PCDHGA2: variants seen among roughly 807,000 people sequenced by gnomAD.
PCDHGA2 encodes protocadherin gamma-A2.
A neutral mutation model predicts 59.2 loss-of-function variants in PCDHGA2; 40 were observed. The ratio of observed to expected loss-of-function variants is 0.68; its 90% confidence interval spans 0.52 to 0.88. PCDHGA2 has a LOEUF of 0.88. Ranked by LOEUF, PCDHGA2 falls within the 40% of genes least tolerant of loss-of-function variation. The pLI, the probability that PCDHGA2 is intolerant of heterozygous loss-of-function variation, is 0.00. For synonymous variants in PCDHGA2, 560 were observed against 526.0 expected (o/e 1.06, Z -0.89); for missense variants, 1,226 against 1,204.0 (o/e 1.02, Z -0.27).
intron 1 of PCDHGA2, chr5:141,403,174 T>C: frequency 1.9e-6 from 3 of 1,614,000 alleles, no homozygotes; most frequent in Non-Finnish European, 2.5e-6. Context: ...GGACGCAGCT[T>C]TTCTCTCTGA....
Position 141,432,909 on chromosome 5 carries a change from G to A in PCDHGA2, c.2425-61898G>A, listed in dbSNP as rs773372764. On this transcript the variant is annotated intron_variant, in intron 1 of 3. Coordinates refer to ENST00000394576, the MANE Select transcript of PCDHGA2 (RefSeq NM_018915.4). The surrounding 1 kb of genome is among the most constrained non-coding windows in gnomAD (Gnocchi z 6.0). ...ATCTTGCTGCTGGCGCTCAGGCTGCGGCGCTGGCACAAGTCACGCCTGCTG... is the reference window on the plus strand; with the variant it reads ...ATCTTGCTGCTGGCGCTCAGGCTGCAGCGCTGGCACAAGTCACGCCTGCTG... 9 of 1,614,038 alleles carry A rather than the reference G, an allele frequency of 5.6e-6. No homozygotes were observed. The highest frequency in any genetic ancestry group is 4.5e-5 in the East Asian group (2 of 44,880).
chr5:141,459,687 G>A (rs191874235), intron 1 of PCDHGA2, among the ~76,000 whole-genome samples: 15 of 152,278 alleles, frequency 9.9e-5, no homozygotes, highest in Admixed American at 2.0e-4. Context: ...TGCATAAAGC[G>A]TTCCGCTTGC....
chr5:141,423,503 C>T (rs1225012888), intron 1 of PCDHGA2: 2 of 1,613,984 alleles, frequency 1.2e-6, no homozygotes, highest in South Asian at 2.2e-5. Context: ...CACGAGGTCT[C>T]TCTCATTGCG....
In PCDHGA2 at chr5:141,403,896, A is replaced by T. The variant is rs2094466164; in HGVS notation, c.2424+62501A>T. 6.2e-7 allele frequency: 1 copy of T among 1,613,866 alleles called. No individual in the cohort carries two copies. On this transcript the variant is annotated intron_variant, in intron 1 of 3. Transcript: ENST00000394576. The stretch of plus-strand genomic sequence containing the variant: ...CTAGATTATGAAGAATGTTCATTTT[A>T]TGAAATGGAAATACAAGCTGAAGAT...
chr5:141,399,274 C>T, intron 1 of PCDHGA2: 1 of 1,613,848 alleles, frequency 6.2e-7, no homozygotes, highest in Non-Finnish European at 8.5e-7. Context: ...TTGTCAATTA[C>T]AAGGCGAAGT....
chr5:141,420,242 A>T (rs1241562871), intron 1 of PCDHGA2: 1 of 1,586,666 alleles, frequency 6.3e-7, no homozygotes, highest in Non-Finnish European at 8.6e-7. Context: ...TTTAACTCCC[A>T]GCGTTGAAGC....
chr5:141,351,063 A>G (rs762319245), intron 1 of PCDHGA2: 3 of 1,613,950 alleles, frequency 1.9e-6, no homozygotes, highest in Non-Finnish European at 2.5e-6. Flanking sequence ...GACCAGGATG[A>G]GGGCATTAAT....
intron 1 of PCDHGA2, chr5:141,392,676 C>G: frequency 1.1e-6 from 1 of 917,280 alleles, no homozygotes. Context: ...AACTGCTGGA[C>G]TGCAGCGAAA....
intron 1 of PCDHGA2, chr5:141,360,183 A>G: frequency 6.2e-7 from 1 of 1,611,000 alleles, no homozygotes; most frequent in Non-Finnish European, 8.5e-7. Context: ...GGCTGCAGGT[A>G]CTGTTGCCCT....
chr5:141,357,773 T>A (rs1338680393), intron 1 of PCDHGA2: 18 of 917,442 alleles, frequency 2.0e-5, no homozygotes, highest in Admixed American at 2.9e-5. Flanking sequence ...CTTCCAATAA[T>A]GATCAACAGT....
intron 1 of PCDHGA2, among the ~76,000 whole-genome samples, chr5:141,358,907 T>C (rs1050690126): frequency 3.3e-5 from 5 of 152,202 alleles, no homozygotes; most frequent in African/African-American, 1.2e-4. Context: ...TGAGGGAAAA[T>C]ATTTTGTGTG....
intron 1 of PCDHGA2, chr5:141,400,401 G>T (rs760681088): frequency 3.1e-6 from 5 of 1,613,936 alleles, no homozygotes; most frequent in Non-Finnish European, 4.2e-6. Context: ...CAGGAAAGAC[G>T]GAGTTTAATT....
At chr5:141,383,465 C>A (rs199737560) in intron 1 of PCDHGA2, 8 of 1,613,792 alleles carry the variant, frequency 5.0e-6, no homozygotes, top group Non-Finnish European at 5.9e-6. Context: ...GACGATGAAA[C>A]TAAGTACCCG....
Position 141,372,306 on chromosome 5 carries a change from G to T in PCDHGA2, c.2424+30911G>T, listed in dbSNP as rs771102617. 35 of 1,613,152 alleles carry T rather than the reference G, an allele frequency of 2.2e-5. No homozygotes were observed. Among genetic ancestry groups the T allele is most frequent in the African/African-American group, 9.3e-5 (7 of 75,056 alleles). ...GCGTACCTTGGGCGACAGGGAGGCC[G>T]CCCGCCAGCGCCTGCTGGTCACTGT... On this transcript the variant is annotated intron_variant, in intron 1 of 3. Coordinates refer to ENST00000394576, the MANE Select transcript of PCDHGA2 (RefSeq NM_018915.4).
At chr5:141,382,791 C>T in intron 1 of PCDHGA2, 1 of 942,536 alleles carries the variant, frequency 1.1e-6, no homozygotes, top group Non-Finnish European at 1.6e-6. Context: ...AGCCTCTATC[C>T]TGCTGGATTC....
intron 1 of PCDHGA2, among the ~76,000 whole-genome samples, chr5:141,347,361 C>T (rs1561493789): frequency 6.6e-6 from 1 of 151,940 alleles, no homozygotes; most frequent in Non-Finnish European, 1.5e-5. Flanking sequence ...TGCTATGTTT[C>T]CCAGGCTGGT....
rs201409669 is a variant in PCDHGA2 at position 141,490,703 on chromosome 5, G to A, written c.2425-4104G>A. The stretch of plus-strand genomic sequence containing the variant: ...GATCCAGACACTGGGGATAATGCCC[G>A]CCTCACCTACTCCATTGTAGGAAAT... On this transcript the variant is annotated intron_variant, in intron 1 of 3. Coordinates refer to ENST00000394576, the MANE Select transcript of PCDHGA2 (RefSeq NM_018915.4). This position sits in a 1 kb window ranked among gnomAD's most constrained non-coding sequence, Gnocchi z 5.4. 2.6e-4 allele frequency: 421 copies of A among 1,614,106 alleles called. No homozygotes were observed. Among genetic ancestry groups the A allele is most frequent in the Middle Eastern group, 6.6e-4 (4 of 6,062 alleles).
At chr5:141,418,830 G>T (rs371820904) in intron 1 of PCDHGA2, 44 of 1,613,858 alleles carry the variant, frequency 2.7e-5, no homozygotes, top group Non-Finnish European at 3.6e-5. Flanking sequence ...GCAAAAGACC[G>T]AGGATCTCTC....
intron 1 of PCDHGA2, chr5:141,371,077 T>G (rs1169560992): frequency 8.1e-6 from 13 of 1,613,784 alleles, no homozygotes; most frequent in Admixed American, 1.7e-5. Context: ...ACCACCCAGA[T>G]CAGGGTAATT....
Sources: allele counts gnomAD v4.1 joint callset (sites outside exome capture counted in the v4.1 genomes callset), GRCh38; gene constraint gnomAD v4.1.1; non-coding constraint Gnocchi (gnomAD v3.1); transcripts MANE v1.5; gene names NCBI Gene and HGNC (gene_info 2026-07-23, HGNC 2026-07-21).